AKAP13: variants seen among roughly 807,000 people sequenced by gnomAD.
AKAP13 encodes A-kinase anchor protein 13.
A neutral mutation model predicts 264.5 loss-of-function variants in AKAP13; 80 were observed. That is an observed-to-expected ratio of 0.30 (90% confidence interval 0.25 to 0.36). AKAP13 has a LOEUF of 0.36. AKAP13 is among the 10% of genes least tolerant of loss of function. AKAP13 has a pLI of 1.00. For missense variants in AKAP13, 3,712 were observed against 3,435.2 expected (o/e 1.08, Z -2.01); for synonymous variants, 1,380 against 1,250.2 (o/e 1.10, Z -2.19).
chr15:85,650,168 A>G (rs1399431581), intron 10 of AKAP13, among the ~76,000 whole-genome samples: 1 of 152,196 alleles, frequency 6.6e-6, no homozygotes, highest in African/African-American at 2.4e-5. Context: ...GCTGGTTCAC[A>G]CTTGTAATCC....
intron 14 of AKAP13, chr15:85,676,852 C>T: frequency 1.3e-6 from 1 of 756,830 alleles, no homozygotes; most frequent in South Asian, 6.0e-5. Context: ...ATTATTACAT[C>T]ATTCACCTAG....
intron 11 of AKAP13, among the ~76,000 whole-genome samples, chr15:85,657,145 AAATAAT>A (rs759747158): frequency 6.5e-4 from 55 of 84,350 alleles, no homozygotes; most frequent in Admixed American, 9.1e-4. Flanking sequence ...CCCTGTCTCA[AAATAAT>A]AATAATAATA....
chr15:85,554,591 T>C (rs2078073588), intron 5 of AKAP13, among the ~76,000 whole-genome samples: 2 of 151,012 alleles, frequency 1.3e-5, no homozygotes, highest in Admixed American at 1.3e-4. Context: ...TTTTTTTTCT[T>C]TTTTTTTTAA....
rs929190100 is a variant in AKAP13, at chr15:85,485,599, G to C, written c.-11-111G>C. ...ACAGCTGGGCATATGGTAATCTCGG[G>C]CACGGGATTGTACTCACAGAGCTAT... On this transcript the variant is annotated intron_variant, in intron 1 of 36. Transcript: ENST00000394518. 3.5e-6 allele frequency: 3 copies of C among 851,516 alleles called. No individual in the cohort carries two copies. The African/African-American group carries it at 5.0e-5, about 14-fold the overall frequency. 52.7% of individuals were successfully genotyped at this position (851,516 alleles called of 1,614,324 possible).
chr15:85,674,802 A>C (rs1370327882), intron 14 of AKAP13, among the ~76,000 whole-genome samples: 3 of 151,836 alleles, frequency 2.0e-5, no homozygotes, highest in African/African-American at 7.3e-5. Flanking sequence ...TCTAACTATG[A>C]TGGGAATTTA....
At chr15:85,528,139 C>T (rs529982686) in intron 3 of AKAP13, among the ~76,000 whole-genome samples, 2 of 152,256 alleles carry the variant, frequency 1.3e-5, no homozygotes, top group East Asian at 3.9e-4. Flanking sequence ...AGCAATATTT[C>T]GTTTCCATGG....
At chr15:85,471,543 A>G (rs1380129537) in intron 1 of AKAP13, among the ~76,000 whole-genome samples, 1 of 152,210 alleles carries the variant, frequency 6.6e-6, no homozygotes, top group Non-Finnish European at 1.5e-5. Context: ...TTAGGGTATA[A>G]TTTAAACACA....
At chr15:85,673,522 T>A (rs2084031530) in intron 14 of AKAP13, among the ~76,000 whole-genome samples, 1 of 152,198 alleles carries the variant, frequency 6.6e-6, no homozygotes, top group Non-Finnish European at 1.5e-5. Flanking sequence ...GCATTTCTCC[T>A]CCTTGCATCA....
chr15:85,682,370 G>A, intron 15 of AKAP13, among the ~76,000 whole-genome samples, 158 bp downstream of exon 15: 1 of 152,126 alleles, frequency 6.6e-6, no homozygotes, highest in East Asian at 1.9e-4. Context: ...TTGTCATGAA[G>A]GCTATACCTT....
intron 1 of AKAP13, among the ~76,000 whole-genome samples, chr15:85,465,922 C>T (rs1432311881): frequency 9.4e-5 from 14 of 148,410 alleles, no homozygotes; most frequent in South Asian, 2.2e-4. Flanking sequence ...CCTGAGGAAT[C>T]GCCACACTGA....
chr15:85,580,132 C>T lies in AKAP13; in HGVS notation c.2064C>T (p.Ser688=), dbSNP rs927815123. The T allele has an allele frequency of 8.1e-6, 13 of 1,614,014 alleles. No individual in the cohort carries two copies. Among genetic ancestry groups the T allele is most frequent in the African/African-American group, 1.3e-5 (1 of 74,898 alleles). ...CAAAACTGTGTGATAACATAGTTAG[C>T]GAGTCCGAAAGCACCACAGCAAGGC... ...LVAKLCDNIV[S]ESESTTARQP... The change falls in exon 7 of 37, where the codon AGC becomes AGT. Residue 688 remains serine, a synonymous_variant. Transcript: ENST00000394518.
intron 8 of AKAP13, among the ~76,000 whole-genome samples, chr15:85,586,963 A>G (rs570533976): frequency 6.6e-6 from 1 of 152,132 alleles, no homozygotes; most frequent in Non-Finnish European, 1.5e-5. Context: ...AGGTTCAATC[A>G]ACATTTTTTT....
intron 1 of AKAP13, among the ~76,000 whole-genome samples, chr15:85,416,767 C>T (rs1035811595): frequency 1.3e-5 from 2 of 152,164 alleles, no homozygotes; most frequent in African/African-American, 2.4e-5. Context: ...AGTATGTTCA[C>T]TCCATTCCAC....
chr15:85,728,601 T>C (rs1475202132), intron 29 of AKAP13, among the ~76,000 whole-genome samples: 2 of 152,278 alleles, frequency 1.3e-5, no homozygotes, highest in South Asian at 2.1e-4. Context: ...CAGGCACAAT[T>C]AGCATGTGTG....
chr15:85,602,983 C>A (rs533369172), intron 8 of AKAP13, among the ~76,000 whole-genome samples: 19 of 152,178 alleles, frequency 1.2e-4, no homozygotes, highest in Non-Finnish European at 2.1e-4. Context: ...TGTTAACTGG[C>A]AAACTCATAG....
chr15:85,662,258 C>T, intron 12 of AKAP13: 10 of 821,014 alleles, frequency 1.2e-5, no homozygotes, highest in South Asian at 8.2e-5. Flanking sequence ...TGTTACATTC[C>T]TAAATTTTTT....
chr15:85,730,491 G>A, intron 29 of AKAP13, 22 bp from the exon 30 acceptor site: 1 of 1,610,004 alleles, frequency 6.2e-7, no homozygotes, highest in Non-Finnish European at 8.5e-7. Flanking sequence ...TCAAATCACA[G>A]ATCATTTTCT....
intron 3 of AKAP13, among the ~76,000 whole-genome samples, chr15:85,527,006 G>C (rs895886668): frequency 1.1e-4 from 16 of 149,894 alleles, no homozygotes; most frequent in African/African-American, 3.0e-4. Context: ...CCAGGCTGGA[G>C]TGCAGTGGCG....
intron 8 of AKAP13, among the ~76,000 whole-genome samples, chr15:85,637,481 G>A (rs2082114122): frequency 6.6e-6 from 1 of 152,250 alleles, no homozygotes; most frequent in South Asian, 2.1e-4. Context: ...CTGTAATGGT[G>A]TCACTCTGTA....
Sources: gnomAD v4.1 joint callset for allele counts (sites outside exome capture counted in the v4.1 genomes callset) on GRCh38, gnomAD v4.1.1 for gene constraint, MANE v1.5 for transcripts, NCBI Gene and HGNC (gene_info 2026-07-23, HGNC 2026-07-21) for gene names.